Variants in CSMD1 observed in about 807,000 individuals in gnomAD.
The protein encoded by CSMD1 is CUB and sushi domain-containing protein 1.
Under a neutral mutation model 417.5 loss-of-function variants are expected in CSMD1, and 213 were observed. That is an observed-to-expected ratio of 0.51 (90% CI 0.46 to 0.57). CSMD1 has a LOEUF of 0.57. Among genes scored for constraint, CSMD1 ranks in the 20% least tolerant of loss-of-function variants. CSMD1 has a pLI of 0.00. For missense variants in CSMD1, 6,923 were observed against 4,529.7 expected (o/e 1.53, Z -15.17); for synonymous variants, 2,862 against 1,736.8 (o/e 1.65, Z -16.11).
chr8:3,958,596 A>T (rs1210554169), intron 5 of CSMD1, among the ~76,000 whole-genome samples: 1 of 152,160 alleles, frequency 6.6e-6, no homozygotes, highest in African/African-American at 2.4e-5. Flanking sequence ...ATCCATTCAC[A>T]TACCCGCATT....
intron 5 of CSMD1, among the ~76,000 whole-genome samples, chr8:3,925,823 A>C (rs1030962011): frequency 6.6e-6 from 1 of 152,046 alleles, no homozygotes; most frequent in Non-Finnish European, 1.5e-5. Context: ...CATTAAAACC[A>C]ACTAATACGG....
chr8:3,556,157 T>C (rs1269885799), intron 10 of CSMD1, among the ~76,000 whole-genome samples: 4 of 151,988 alleles, frequency 2.6e-5, no homozygotes, highest in African/African-American at 7.2e-5. Flanking sequence ...GAATCATCAA[T>C]TTCCTAAGTG....
At position 3,129,303 on chromosome 8, in the gene CSMD1, A is replaced by T. The variant is rs570559578; in HGVS notation, c.6242-10716T>A. On this transcript the variant is annotated intron_variant, in intron 41 of 69. Coordinates refer to ENST00000635120, the MANE Select transcript of CSMD1 (RefSeq NM_033225.6). Reference sequence around the variant, plus strand: ...TAAATATTAAATATTTTGTGAGTCAACCAAAGCAATTGTCTGACCTGTGCT... The same window carrying T: ...TAAATATTAAATATTTTGTGAGTCATCCAAAGCAATTGTCTGACCTGTGCT... Among the ~76,000 whole-genome samples, 12 of 152,374 alleles carry T rather than the reference A, an allele frequency of 7.9e-5. No individual in the cohort carries two copies. In the East Asian group the frequency reaches 2.3e-3, roughly 29 times the overall value.
chr8:3,772,851 GCAC>G (rs1269909195), intron 5 of CSMD1, among the ~76,000 whole-genome samples: 2 of 151,888 alleles, frequency 1.3e-5, no homozygotes, highest in Non-Finnish European at 2.9e-5. Flanking sequence ...CCCCTCCTCT[GCAC>G]CACATCCTTA....
At chr8:4,175,396 T>G (rs1797985909) in intron 3 of CSMD1, among the ~76,000 whole-genome samples, 1 of 152,186 alleles carries the variant, frequency 6.6e-6, no homozygotes, top group African/African-American at 2.4e-5. Flanking sequence ...CTCTCTTACC[T>G]GCGCTATACT....
At chr8:4,330,507 T>C (rs775831450) in intron 3 of CSMD1, among the ~76,000 whole-genome samples, 4 of 151,520 alleles carry the variant, frequency 2.6e-5, no homozygotes, top group Non-Finnish European at 4.4e-5. Flanking sequence ...GGAGGATCAC[T>C]TGAACCGAGG....
chr8:3,163,633 C>G (rs915969949), intron 37 of CSMD1, among the ~76,000 whole-genome samples: 22 of 151,228 alleles, frequency 1.5e-4, no homozygotes, highest in Non-Finnish European at 3.2e-4. Flanking sequence ...AAAAAAAAAG[C>G]ACAAGTGCAA....
intron 41 of CSMD1, among the ~76,000 whole-genome samples, chr8:3,131,005 C>G (rs1817764022): frequency 6.6e-6 from 1 of 152,222 alleles, no homozygotes; most frequent in South Asian, 2.1e-4. Flanking sequence ...GCGATAGTTT[C>G]TTACGGTCCT....
chr8:4,032,842 A>G (rs1401713473), intron 3 of CSMD1, among the ~76,000 whole-genome samples: 1 of 152,172 alleles, frequency 6.6e-6, no homozygotes, highest in Admixed American at 6.5e-5. Context: ...CCTCTCAGCC[A>G]GGGTGATTCC....
intron 7 of CSMD1, among the ~76,000 whole-genome samples, chr8:3,623,899 C>T (rs553679471): frequency 1.3e-5 from 2 of 152,190 alleles, no homozygotes; most frequent in East Asian, 1.9e-4. Flanking sequence ...ATCGCTTGAA[C>T]CCGGGAGGCG....
chr8:3,642,564 G>C (rs1426022783), intron 7 of CSMD1, among the ~76,000 whole-genome samples: 1 of 152,140 alleles, frequency 6.6e-6, no homozygotes, highest in Non-Finnish European at 1.5e-5. Flanking sequence ...AGGAACAGAA[G>C]TTTGCATAAA....
intron 12 of CSMD1, among the ~76,000 whole-genome samples, chr8:3,433,499 T>A (rs1330437635): frequency 6.6e-6 from 1 of 152,194 alleles, no homozygotes; most frequent in East Asian, 1.9e-4. Context: ...TGCTTCTTGG[T>A]TCATTTTTCA....
chr8:4,875,278 C>G (rs1319084503), intron 1 of CSMD1, among the ~76,000 whole-genome samples: 1 of 152,018 alleles, frequency 6.6e-6, no homozygotes, highest in Non-Finnish European at 1.5e-5. Context: ...TGGTAATATA[C>G]AAGCTCACTG....
chr8:4,415,837 G>A (rs1438875952), intron 3 of CSMD1, among the ~76,000 whole-genome samples: 1 of 152,164 alleles, frequency 6.6e-6, no homozygotes, highest in Non-Finnish European at 1.5e-5. Flanking sequence ...TTGTGTATGT[G>A]TGTATACGTA....
At chr8:3,992,988 C>T (rs543228914) in intron 5 of CSMD1, among the ~76,000 whole-genome samples, 2 of 152,306 alleles carry the variant, frequency 1.3e-5, no homozygotes, top group Non-Finnish European at 2.9e-5. Context: ...CACAGTTGGA[C>T]AGGGCCAAGG....
chr8:3,990,539 T>C (rs1046725174), intron 5 of CSMD1, among the ~76,000 whole-genome samples: 4 of 152,218 alleles, frequency 2.6e-5, no homozygotes, highest in Non-Finnish European at 5.9e-5. Context: ...ATTTTATCCA[T>C]AGCTACCACC....
At chr8:2,947,972 A>C (rs1329417241) in intron 68 of CSMD1, among the ~76,000 whole-genome samples, 1 of 129,832 alleles carries the variant, frequency 7.7e-6, no homozygotes, top group Non-Finnish European at 1.7e-5. Context: ...GACTTTTTTT[A>C]TATTCAGCAC....
intron 2 of CSMD1, among the ~76,000 whole-genome samples, chr8:4,592,425 C>G (rs986963816): frequency 1.3e-5 from 2 of 151,952 alleles, no homozygotes; most frequent in African/African-American, 4.8e-5. Flanking sequence ...CTTACTCCAT[C>G]TCCCAGGCTG....
chr8:3,043,167 A>T (rs555887574), intron 50 of CSMD1, among the ~76,000 whole-genome samples: 1 of 151,680 alleles, frequency 6.6e-6, no homozygotes, highest in South Asian at 2.1e-4. Context: ...ATATATACAG[A>T]TTATATAGTA....
Sources: gnomAD v4.1 joint callset for allele counts (sites outside exome capture counted in the v4.1 genomes callset) on GRCh38, gnomAD v4.1.1 for gene constraint, MANE v1.5 for transcripts, NCBI Gene and HGNC (gene_info 2026-07-23, HGNC 2026-07-21) for gene names.